The following NXPH1 variants were observed in gnomAD, a reference collection of about 807,000 sequenced individuals.
NXPH1 encodes the protein neurexophilin-1.
Under a neutral mutation model 23.7 loss-of-function variants are expected in NXPH1, and 5 were observed. The observed-to-expected ratio is 0.21, with a 90% CI of 0.11 to 0.44. The LOEUF is 0.44. NXPH1 is among the 20% of genes least tolerant of loss of function. NXPH1 has a pLI of 0.99. For synonymous variants in NXPH1, 144 were observed against 122.2 expected (o/e 1.18, Z -1.18); for missense variants, 324 against 321.6 (o/e 1.01, Z -0.06).
chr7:8,509,338 A>C (rs1046543078), intron 2 of NXPH1, among the ~76,000 whole-genome samples: 3 of 152,140 alleles, frequency 2.0e-5, no homozygotes, highest in African/African-American at 7.2e-5. Flanking sequence ...AATAAATATG[A>C]TGTGGTGGCT....
intron 2 of NXPH1, among the ~76,000 whole-genome samples, chr7:8,466,650 T>A (rs1177385471): frequency 1.3e-5 from 2 of 152,168 alleles, no homozygotes; most frequent in Non-Finnish European, 2.9e-5. Context: ...GTGGGGAAAA[T>A]CCTTTCATCT....
At chr7:8,526,725 T>C (rs1033554648) in intron 2 of NXPH1, among the ~76,000 whole-genome samples, 10 of 152,204 alleles carry the variant, frequency 6.6e-5, no homozygotes, top group African/African-American at 2.2e-4. Flanking sequence ...CTCTTGCCAC[T>C]GCCTCGAAAG....
chr7:8,642,484 G>A (rs1820332431), intron 2 of NXPH1, among the ~76,000 whole-genome samples: 1 of 152,080 alleles, frequency 6.6e-6, no homozygotes, highest in Admixed American at 6.5e-5. Context: ...ATTTTTTGAG[G>A]ATGAGGGTGC....
At chr7:8,538,260 C>T (rs930081266) in intron 2 of NXPH1, among the ~76,000 whole-genome samples, 4 of 151,912 alleles carry the variant, frequency 2.6e-5, no homozygotes, top group Non-Finnish European at 5.9e-5. Flanking sequence ...TGGGACTGAA[C>T]CATTTCCTTA....
chr7:8,716,345 T>C (rs546772550), intron 2 of NXPH1, among the ~76,000 whole-genome samples: 89 of 152,352 alleles, frequency 5.8e-4, no homozygotes, highest in African/African-American at 1.9e-3. Flanking sequence ...AAATGGAGTT[T>C]AGCCAATATA....
At chr7:8,743,275 G>A (rs932061167) in intron 2 of NXPH1, among the ~76,000 whole-genome samples, 5 of 152,208 alleles carry the variant, frequency 3.3e-5, no homozygotes, top group South Asian at 4.1e-4. Flanking sequence ...ATGCTGAACA[G>A]TAATAGATCA....
intron 2 of NXPH1, among the ~76,000 whole-genome samples, chr7:8,503,079 GC>G (rs1407627520): frequency 6.6e-6 from 1 of 152,002 alleles, no homozygotes; most frequent in Non-Finnish European, 1.5e-5. Context: ...ATGGTGCTTT[GC>G]TTACACCAGC....
intron 2 of NXPH1, among the ~76,000 whole-genome samples, chr7:8,504,086 C>T (rs1817483172): frequency 6.6e-6 from 1 of 152,018 alleles, no homozygotes; most frequent in African/African-American, 2.4e-5. Flanking sequence ...TGCATTATGC[C>T]AGGGGCTTTT....
At chr7:8,626,491 A>C (rs1819991546) in intron 2 of NXPH1, among the ~76,000 whole-genome samples, 1 of 151,412 alleles carries the variant, frequency 6.6e-6, no homozygotes, top group Non-Finnish European at 1.5e-5. Context: ...TCTCACTGCC[A>C]TGAGGGACTC....
chr7:8,645,533 TA>T (rs1424126215), intron 2 of NXPH1, among the ~76,000 whole-genome samples: 1 of 152,088 alleles, frequency 6.6e-6, no homozygotes, highest in African/African-American at 2.4e-5. Context: ...AGGAGTTTAT[TA>T]AAATAAATTT....
intron 2 of NXPH1, among the ~76,000 whole-genome samples, chr7:8,606,616 T>C (rs1161385208): frequency 6.6e-6 from 1 of 151,972 alleles, no homozygotes; most frequent in Non-Finnish European, 1.5e-5. Flanking sequence ...TGACCCTCCT[T>C]TTGTACTGGG....
chr7:8,625,467 A>G (rs1277958132), intron 2 of NXPH1, among the ~76,000 whole-genome samples: 2 of 152,150 alleles, frequency 1.3e-5, no homozygotes, highest in East Asian at 3.8e-4. Flanking sequence ...TGCTTAAATG[A>G]CAAACCTGGA....
At chr7:8,664,804 A>T (rs12532683) in intron 2 of NXPH1, among the ~76,000 whole-genome samples, 1 of 151,814 alleles carries the variant, frequency 6.6e-6, no homozygotes, top group South Asian at 2.1e-4. Context: ...TTTTTCATAT[A>T]CTTCTTGGCC....
At chr7:8,576,016 C>T (rs1465116634) in intron 2 of NXPH1, among the ~76,000 whole-genome samples, 1 of 152,136 alleles carries the variant, frequency 6.6e-6, no homozygotes, top group Non-Finnish European at 1.5e-5. Flanking sequence ...CTTCCCATCT[C>T]AATAGGGGAT....
intron 2 of NXPH1, among the ~76,000 whole-genome samples, chr7:8,586,934 G>A (rs2128624726): frequency 6.6e-6 from 1 of 152,090 alleles, no homozygotes; most frequent in Middle Eastern, 3.4e-3. Flanking sequence ...TTGACATTAG[G>A]TAAATATTCC....
chr7:8,476,082 G>A (rs901858857), intron 2 of NXPH1, among the ~76,000 whole-genome samples: 5 of 152,118 alleles, frequency 3.3e-5, no homozygotes, highest in Non-Finnish European at 5.9e-5. Flanking sequence ...AATTTGATAA[G>A]TTCTTCTACA....
At chr7:8,642,068 G>A (rs975835008) in intron 2 of NXPH1, among the ~76,000 whole-genome samples, 16 of 152,032 alleles carry the variant, frequency 1.1e-4, no homozygotes, top group African/African-American at 3.9e-4. Context: ...ATCATTTTGG[G>A]AATTCCTTTT....
At chr7:8,606,562 A>T (rs1819497073) in intron 2 of NXPH1, among the ~76,000 whole-genome samples, 1 of 152,224 alleles carries the variant, frequency 6.6e-6, no homozygotes, top group Non-Finnish European at 1.5e-5. Context: ...AAACAAGCAT[A>T]GTATAAAATT....
intron 2 of NXPH1, among the ~76,000 whole-genome samples, chr7:8,620,491 A>G (rs1819843670): frequency 6.6e-6 from 1 of 152,122 alleles, no homozygotes; most frequent in Non-Finnish European, 1.5e-5. Flanking sequence ...ATCTCATGAG[A>G]CTGTGACTTT....
Sources: allele counts gnomAD v4.1 joint callset (sites outside exome capture counted in the v4.1 genomes callset), GRCh38; gene constraint gnomAD v4.1.1; transcripts MANE v1.5; gene names NCBI Gene and HGNC (gene_info 2026-07-23, HGNC 2026-07-21).